The following ADAM12 variants were observed in gnomAD, a reference collection of about 807,000 sequenced individuals.
ADAM12 encodes disintegrin and metalloproteinase domain-containing protein 12.
ADAM12 carries 70 observed loss-of-function variants against 106.4 expected under a neutral mutation model. The ratio of observed to expected loss-of-function variants is 0.66; its 90% CI spans 0.54 to 0.80. The LOEUF is 0.80. Ranked by LOEUF, ADAM12 falls within the 30% of genes least tolerant of loss-of-function variation. The pLI, the probability that ADAM12 is intolerant of heterozygous loss-of-function variation, is 0.00. For synonymous variants in ADAM12, 420 were observed against 433.5 expected, an observed-to-expected ratio of 0.97 and a Z score of 0.39; for missense variants, 1,010 against 1,171.9, an observed-to-expected ratio of 0.86 and a Z score of 2.02.
intron 3 of ADAM12, among the ~76,000 whole-genome samples, chr10:126,223,538 C>A (rs1958135658): frequency 6.6e-6 from 1 of 152,174 alleles, no homozygotes; most frequent in Non-Finnish European, 1.5e-5. Flanking sequence ...TTTTAAAAGG[C>A]CACCACTCAA....
intron 11 of ADAM12, 52 bp from the exon 12 acceptor site, chr10:126,071,706 T>A: frequency 6.3e-7 from 1 of 1,594,418 alleles, no homozygotes; most frequent in East Asian, 2.2e-5. Context: ...AATGGCTTTG[T>A]CTGCCCTTCT....
At chr10:126,290,950 T>A (rs901826086) in intron 2 of ADAM12, among the ~76,000 whole-genome samples, 1 of 152,230 alleles carries the variant, frequency 6.6e-6, no homozygotes, top group African/African-American at 2.4e-5. Context: ...TTTAAGCTAA[T>A]ACTTTCTAAT....
chr10:126,112,470 G>A (rs1955888627), intron 6 of ADAM12, among the ~76,000 whole-genome samples: 1 of 152,096 alleles, frequency 6.6e-6, no homozygotes, highest in African/African-American at 2.4e-5. Context: ...ATCAGCCTCT[G>A]GGATTAGCCC....
chr10:126,030,881 C>T (rs142996305), intron 21 of ADAM12, among the ~76,000 whole-genome samples: 7 of 152,294 alleles, frequency 4.6e-5, no homozygotes, highest in South Asian at 2.1e-4. Context: ...AGTGTGATGG[C>T]GCCATGGAGA....
chr10:126,029,171 G>A (rs1953931260), intron 21 of ADAM12, among the ~76,000 whole-genome samples: 1 of 152,210 alleles, frequency 6.6e-6, no homozygotes, highest in African/African-American at 2.4e-5. Context: ...TTCAACCATT[G>A]TGGAAGACAG....
At chr10:126,330,618 C>T in intron 1 of ADAM12, 109 bp from the exon 2 acceptor site, 1 of 922,658 alleles carries the variant, frequency 1.1e-6, no homozygotes, top group Admixed American at 2.5e-5. Context: ...GTTAAATAAG[C>T]CCAGGGAAAC....
chr10:126,328,439 C>A (rs1854384783), intron 2 of ADAM12, among the ~76,000 whole-genome samples: 1 of 152,156 alleles, frequency 6.6e-6, no homozygotes, highest in Non-Finnish European at 1.5e-5. Context: ...GTAATGAGGA[C>A]AGATACACAC....
intron 2 of ADAM12, among the ~76,000 whole-genome samples, chr10:126,311,022 T>C (rs943651241): frequency 6.6e-6 from 1 of 151,876 alleles, no homozygotes; most frequent in African/African-American, 2.4e-5. Flanking sequence ...TCCTCTGAGC[T>C]GAGCTAATAC....
At position 126,043,112 on chromosome 10, in the gene ADAM12, G is replaced by A. The variant is rs1339681078; in HGVS notation, c.2032C>T (p.His678Tyr). Residue 678 changes from histidine to tyrosine, a missense_variant, in exon 18 of 23, where the codon CAC becomes TAC. By Grantham distance (83) the His-to-Tyr change is moderately conservative. This residue lies in a region of ADAM12 where 615 missense variants were observed against 708.5 expected (regional missense o/e 0.87). Transcript: ENST00000448723. This position sits in a 1 kb window ranked among gnomAD's most constrained non-coding sequence, Gnocchi z 4.1. The part of the protein sequence containing the change: ...NNRKNCHCEA[H>Y]WAPPFCDKFG... The stretch of plus-strand genomic sequence containing the variant: ...TTGTCACAGAAGGGAGGTGCCCAGT[G>A]GGCCTCGCAGTGGCAGTTCTTCCTG... 3.1e-6 allele frequency: 5 copies of A among 1,614,176 alleles called. No individual in the cohort carries two copies. In the South Asian group the frequency reaches 3.3e-5, roughly 11 times the overall value.
At chr10:126,276,900 T>C (rs1212991744) in intron 3 of ADAM12, among the ~76,000 whole-genome samples, 1 of 152,222 alleles carries the variant, frequency 6.6e-6, no homozygotes, top group East Asian at 1.9e-4. Context: ...TTATAGTATC[T>C]GCAGTAATGG....
chr10:126,384,746 C>T (rs925505652), intron 1 of ADAM12, among the ~76,000 whole-genome samples: 2 of 152,172 alleles, frequency 1.3e-5, no homozygotes, highest in African/African-American at 2.4e-5. Context: ...CTCTCAGTAC[C>T]GAATGTTTCA....
At chr10:126,269,367 T>A (rs770387651) in intron 3 of ADAM12, among the ~76,000 whole-genome samples, 2 of 152,230 alleles carry the variant, frequency 1.3e-5, no homozygotes, top group African/African-American at 4.8e-5. Context: ...CTATTCAAGA[T>A]GGAGTTGCTC....
At chr10:126,364,366 TAGAAA>T (rs1000664363) in intron 1 of ADAM12, among the ~76,000 whole-genome samples, 6 of 152,180 alleles carry the variant, frequency 3.9e-5, no homozygotes, top group South Asian at 2.1e-4. Flanking sequence ...AAATAAATGT[TAGAAA>T]AGAAAAGTTA....
At chr10:126,091,273 C>T (rs1179204481) in intron 11 of ADAM12, among the ~76,000 whole-genome samples, 5 of 152,346 alleles carry the variant, frequency 3.3e-5, no homozygotes, top group East Asian at 3.9e-4. Context: ...CCCACTCTCT[C>T]GGAGACACTA....
chr10:126,169,307 G>A (rs1388142249), intron 3 of ADAM12, among the ~76,000 whole-genome samples: 6 of 152,116 alleles, frequency 3.9e-5, no homozygotes, highest in African/African-American at 1.4e-4. Context: ...CTCCTTGTTC[G>A]CTGCTCTCGC....
intron 11 of ADAM12, among the ~76,000 whole-genome samples, chr10:126,072,273 C>T (rs545034873): frequency 1.2e-4 from 18 of 152,144 alleles, no homozygotes; most frequent in Admixed American, 7.2e-4. Context: ...TCTAAACAAC[C>T]GGGTGCCTCT....
At chr10:126,052,547 T>C (rs899774432) in intron 14 of ADAM12, among the ~76,000 whole-genome samples, 1 of 152,248 alleles carries the variant, frequency 6.6e-6, no homozygotes, top group Non-Finnish European at 1.5e-5. Flanking sequence ...TAGGGAGCTC[T>C]AAAGAGACTT....
intron 2 of ADAM12, among the ~76,000 whole-genome samples, chr10:126,295,000 A>G (rs1458777524): frequency 6.6e-6 from 1 of 152,036 alleles, no homozygotes; most frequent in Admixed American, 6.6e-5. Flanking sequence ...AAATCCAAAA[A>G]CTGTTACATG....
At chr10:126,273,704 T>G (rs2133742027) in intron 3 of ADAM12, among the ~76,000 whole-genome samples, 1 of 152,326 alleles carries the variant, frequency 6.6e-6, no homozygotes, top group South Asian at 2.1e-4. Context: ...AGGCATAACC[T>G]GATTTCCATT....
Sources: allele counts gnomAD v4.1 joint callset (sites outside exome capture counted in the v4.1 genomes callset), GRCh38; gene constraint gnomAD v4.1.1; regional missense constraint gnomAD v4.1.1; non-coding constraint Gnocchi (gnomAD v3.1); transcripts MANE v1.5; gene names NCBI Gene and HGNC (gene_info 2026-07-23, HGNC 2026-07-21).